The following BCAS3 variants were observed in gnomAD, a reference collection of about 807,000 sequenced individuals.
The protein encoded by BCAS3 is BCAS4/BCAS3 fusion.
In BCAS3, 53 loss-of-function variants were observed where a neutral mutation model predicts 116.1. The observed-to-expected ratio is 0.46, with a 90% CI of 0.37 to 0.57. The LOEUF (loss-of-function observed/expected upper bound fraction) is 0.57. Among genes scored for constraint, BCAS3 ranks in the 20% least tolerant of loss-of-function variants. BCAS3 has a pLI of 0.00. For synonymous variants in BCAS3, 391 were observed against 408.2 expected, an observed-to-expected ratio of 0.96 and a Z score of 0.51; for missense variants, 917 against 1,165.4, an observed-to-expected ratio of 0.79 and a Z score of 3.10.
At chr17:61,120,571 A>C (rs2075734484) in intron 22 of BCAS3, among the ~76,000 whole-genome samples, 1 of 152,092 alleles carries the variant, frequency 6.6e-6, no homozygotes, top group Admixed American at 6.5e-5. Flanking sequence ...ATCCCTGAAA[A>C]TCAGGTAGTT....
At chr17:61,280,651 C>T (rs2051159214) in intron 22 of BCAS3, among the ~76,000 whole-genome samples, 1 of 152,146 alleles carries the variant, frequency 6.6e-6, no homozygotes. Context: ...AAAGTAAAAG[C>T]TTATTTTAAC....
At chr17:61,109,047 G>A (rs1162672474) in intron 22 of BCAS3, among the ~76,000 whole-genome samples, 2 of 151,976 alleles carry the variant, frequency 1.3e-5, no homozygotes, top group Admixed American at 6.6e-5. Flanking sequence ...TGAGCTGGGC[G>A]TGGTAGTACA....
intron 6 of BCAS3, among the ~76,000 whole-genome samples, chr17:60,792,160 G>A (rs1464298916): frequency 6.6e-6 from 1 of 152,130 alleles, no homozygotes; most frequent in Admixed American, 6.5e-5. Context: ...CCCCGTTGTG[G>A]CAATGTTGGA....
In BCAS3 at chr17:61,309,104, A is replaced by AG. The variant is rs1259417308; in HGVS notation, c.2426-59220dup. Among the ~76,000 whole-genome samples the AG allele has an allele frequency of 6.6e-6, 1 of 151,778 alleles. No individual in the cohort carries two copies. Among genetic ancestry groups the AG allele is most frequent in the African/African-American group, 2.4e-5 (1 of 41,108 alleles). ...GAGTCCGTGATTCTTGACTGAAACA[A>AG]GGGTTAGTTCCCTACCTCCATGCCC... is the stretch of plus-strand genomic sequence containing the variant. On this transcript the variant is annotated intron_variant, in intron 22 of 23. Transcript: ENST00000407086. This position sits in a 1 kb window ranked among gnomAD's most constrained non-coding sequence, Gnocchi z 4.6.
At chr17:61,291,546 A>G (rs2052410888) in intron 22 of BCAS3, among the ~76,000 whole-genome samples, 1 of 152,168 alleles carries the variant, frequency 6.6e-6, no homozygotes, top group Admixed American at 6.5e-5. Flanking sequence ...ATTTGCCGGG[A>G]AAAAAATGGC....
chr17:61,254,854 G>A (rs183725783), intron 22 of BCAS3, among the ~76,000 whole-genome samples: 14 of 149,744 alleles, frequency 9.3e-5, no homozygotes, highest in African/African-American at 2.9e-4. Context: ...TGGAAAAGTC[G>A]TTCATCCTGA....
chr17:61,072,032 C>T (rs1276174439), intron 19 of BCAS3, among the ~76,000 whole-genome samples: 2 of 152,058 alleles, frequency 1.3e-5, no homozygotes, highest in Non-Finnish European at 2.9e-5. Context: ...TATTGCCCAT[C>T]TTCTGATGGC....
intron 14 of BCAS3, chr17:60,987,166 C>T (rs1447852111): frequency 2.6e-5 from 4 of 151,786 alleles, no homozygotes; most frequent in South Asian, 4.2e-4. Flanking sequence ...TTTCTTGGTT[C>T]TCTGTTCTGT....
chr17:60,821,405 T>G (rs2049957415), intron 7 of BCAS3, among the ~76,000 whole-genome samples: 1 of 152,192 alleles, frequency 6.6e-6, no homozygotes, highest in African/African-American at 2.4e-5. Context: ...AAGTGTATAA[T>G]ATTATGTGTT....
chr17:61,365,120 G>T lies in BCAS3; in HGVS notation c.2426-3207G>T, dbSNP rs138691557. 6.6e-6 allele frequency among the ~76,000 whole-genome samples: 1 copy of T among 152,152 alleles called. No homozygotes were observed. Among genetic ancestry groups the T allele is most frequent in the Non-Finnish European group, 1.5e-5 (1 of 68,034 alleles). ...TTTTTATGGATGAGGAATCAGAGACGCATGCCTGGAATCATACAGCTCACG... is the reference window on the plus strand; with the variant it reads ...TTTTTATGGATGAGGAATCAGAGACTCATGCCTGGAATCATACAGCTCACG... On this transcript the variant is annotated intron_variant, in intron 22 of 23. Coordinates refer to ENST00000407086, the MANE Select transcript of BCAS3 (RefSeq NM_017679.5). This position sits in a 1 kb window ranked among gnomAD's most constrained non-coding sequence, Gnocchi z 4.6.
At chr17:60,765,000 C>T (rs541816858) in intron 6 of BCAS3, among the ~76,000 whole-genome samples, 2 of 152,186 alleles carry the variant, frequency 1.3e-5, no homozygotes, top group African/African-American at 4.8e-5. Flanking sequence ...TTATCAGAGC[C>T]TAGGATTGCA....
intron 5 of BCAS3, among the ~76,000 whole-genome samples, chr17:60,718,806 A>G (rs557364873): frequency 3.3e-5 from 5 of 152,298 alleles, no homozygotes; most frequent in Non-Finnish European, 7.4e-5. Flanking sequence ...TCACGCCTGT[A>G]ATCTCAGCAC....
Position 61,015,814 on chromosome 17 carries a change from T to A in BCAS3, c.1550T>A (p.Leu517His). 1 of 1,613,982 alleles carries A rather than the reference T, an allele frequency of 6.2e-7. No homozygotes were observed. Among genetic ancestry groups the A allele is most frequent in the East Asian group, 2.2e-5 (1 of 44,862 alleles). ...AACAACAACCCTGGCAACCCTCGGC[T>A]CTCTCCTCTTCCCAGCTTGATGGTA... is the stretch of plus-strand genomic sequence containing the variant. ...FTNNNPGNPR[L>H]SPLPSLMVVM... is the part of the protein sequence containing the mutation. The change falls in exon 16 of 24, where the codon CTC becomes CAC. Residue 517 changes from leucine to histidine, a missense_variant. By Grantham distance (99) the Leu-to-His change is moderately conservative (BLOSUM62 -3). Transcript: ENST00000407086.
intron 6 of BCAS3, among the ~76,000 whole-genome samples, chr17:60,762,451 T>C (rs1042190129): frequency 6.6e-6 from 1 of 152,218 alleles, no homozygotes; most frequent in African/African-American, 2.4e-5. Flanking sequence ...ATTTATTAAA[T>C]AGGGAATCCT....
intron 22 of BCAS3, among the ~76,000 whole-genome samples, chr17:61,225,664 G>A (rs750844526): frequency 7.2e-5 from 11 of 152,112 alleles, no homozygotes; most frequent in Non-Finnish European, 1.0e-4. Context: ...TGCTTAAAGC[G>A]TCTAATTGAA....
chr17:60,689,654 T>C, intron 3 of BCAS3, 32 bp from the exon 4 acceptor site: 2 of 1,496,508 alleles, frequency 1.3e-6, no homozygotes, highest in Non-Finnish European at 1.8e-6. Context: ...CTGTAAAATA[T>C]GTTTATTCAA....
chr17:61,372,123 T>C (rs545018139), intron 23 of BCAS3, among the ~76,000 whole-genome samples: 1 of 152,304 alleles, frequency 6.6e-6, no homozygotes, highest in East Asian at 1.9e-4. Context: ...AAAGAGCACT[T>C]ATTATTCCAA....
At chr17:61,147,288 C>T (rs1263586153) in intron 22 of BCAS3, among the ~76,000 whole-genome samples, 2 of 151,944 alleles carry the variant, frequency 1.3e-5, no homozygotes, top group Non-Finnish European at 2.9e-5. Context: ...GTTGGTCAGG[C>T]TGGTCTCAAA....
Position 61,229,524 on chromosome 17 carries a change from C to T in BCAS3, c.2426-138803C>T, listed in dbSNP as rs950576727. On this transcript the variant is annotated intron_variant, in intron 22 of 23. Coordinates refer to ENST00000407086, the MANE Select transcript of BCAS3 (RefSeq NM_017679.5). This position sits in a 1 kb window ranked among gnomAD's most constrained non-coding sequence, Gnocchi z 4.4. ...CTAGAGAGGAGGAGTCAGTGCCTGGCTTCAAAGCTTCAATTGAAGGACAGG... is the reference window on the plus strand; with the variant it reads ...CTAGAGAGGAGGAGTCAGTGCCTGGTTTCAAAGCTTCAATTGAAGGACAGG... 6.6e-6 allele frequency among the ~76,000 whole-genome samples: 1 copy of T among 152,176 alleles called. No homozygotes were observed. Among genetic ancestry groups the T allele is most frequent in the Non-Finnish European group, 1.5e-5 (1 of 68,042 alleles).
Sources: allele counts gnomAD v4.1 joint callset (sites outside exome capture counted in the v4.1 genomes callset), GRCh38; gene constraint gnomAD v4.1.1; non-coding constraint Gnocchi (gnomAD v3.1); transcripts MANE v1.5; gene names NCBI Gene and HGNC (gene_info 2026-07-23, HGNC 2026-07-21).